The following IQUB variants were observed in gnomAD, a reference collection of about 807,000 sequenced individuals.
IQUB encodes the protein IQ motif and ubiquitin domain containing.
Under a neutral mutation model 86.4 loss-of-function variants are expected in IQUB, and 86 were observed. The ratio of observed to expected loss-of-function variants is 1.00; its 90% CI spans 0.84 to 1.19. The LOEUF (loss-of-function observed/expected upper bound fraction) is 1.19, where lower values mean the gene tolerates loss of function less well. Ranked by LOEUF, IQUB falls within the 50% of genes most tolerant of loss-of-function variation. The pLI, the probability that IQUB is intolerant of heterozygous loss-of-function variation, is 0.00. For missense variants in IQUB, 946 were observed against 916.9 expected (o/e 1.03, Z -0.41); for synonymous variants, 289 against 304.5 (o/e 0.95, Z 0.53).
At chr7:123,524,951 G>C (rs1353316517) in intron 1 of IQUB, among the ~76,000 whole-genome samples, 1 of 151,860 alleles carries the variant, frequency 6.6e-6, no homozygotes, top group Admixed American at 6.6e-5. Context: ...TGCATCTATT[G>C]AGATAATCAT....
intron 1 of IQUB, among the ~76,000 whole-genome samples, chr7:123,525,012 T>C (rs1562877889): frequency 6.6e-6 from 1 of 152,242 alleles, no homozygotes; most frequent in Non-Finnish European, 1.5e-5. Context: ...TTTATTGATT[T>C]GCGTATATTG....
intron 10 of IQUB, among the ~76,000 whole-genome samples, chr7:123,462,355 A>T (rs1308766039): frequency 6.6e-6 from 1 of 151,708 alleles, no homozygotes. Context: ...TGTTCTATAA[A>T]TTTTTTCTCT....
At chr7:123,490,703 G>A (rs1037557429) in intron 7 of IQUB, among the ~76,000 whole-genome samples, 14 of 152,116 alleles carry the variant, frequency 9.2e-5, no homozygotes, top group Admixed American at 6.6e-5. Flanking sequence ...ATTGGCTCAC[G>A]CCTGTAATCT....
chr7:123,524,625 AT>A (rs1254991608), intron 1 of IQUB, among the ~76,000 whole-genome samples: 1 of 151,106 alleles, frequency 6.6e-6, no homozygotes, highest in Admixed American at 6.6e-5. Context: ...TTTTCTAGAT[AT>A]ACAATCATGT....
rs142510309 is a variant in IQUB at position 123,511,975 on chromosome 7, C to A, written c.366G>T (p.Leu122Phe). Residue 122 changes from leucine to phenylalanine, a missense_variant, in exon 2 of 13, where the codon TTG (leucine) becomes TTT (phenylalanine). Transcript: ENST00000324698. Reference sequence around the variant, plus strand: ...CTAGAGAATCTTCCACTGATTCTTGCAAAGATTCCTTTACAGACTTTATTT... The same window carrying A: ...CTAGAGAATCTTCCACTGATTCTTGAAAAGATTCCTTTACAGACTTTATTT... ...LDKIKSVKES[L>F]QESVEDSLAT... 5.0e-5 allele frequency: 81 copies of A among 1,608,940 alleles called. No individual in the cohort carries two copies. Among genetic ancestry groups the A allele is most frequent in the Non-Finnish European group, 6.8e-5 (80 of 1,176,280 alleles).
chr7:123,519,805 C>T (rs1014543782), intron 1 of IQUB, among the ~76,000 whole-genome samples: 17 of 151,954 alleles, frequency 1.1e-4, no homozygotes, highest in Admixed American at 1.1e-3. Flanking sequence ...TGGAATATTC[C>T]CAGAACAAAG....
intron 3 of IQUB, among the ~76,000 whole-genome samples, chr7:123,508,033 T>A (rs1796262214): frequency 1.3e-5 from 2 of 152,174 alleles, no homozygotes; most frequent in South Asian, 4.1e-4. Flanking sequence ...TGGAAAGATT[T>A]TCCTGGATTA....
At chr7:123,520,486 G>A (rs1796852401) in intron 1 of IQUB, among the ~76,000 whole-genome samples, 1 of 152,184 alleles carries the variant, frequency 6.6e-6, no homozygotes, top group Non-Finnish European at 1.5e-5. Context: ...TGTGGGGAAG[G>A]AATGCCTCTC....
At chr7:123,491,898 T>C (rs533062914) in intron 7 of IQUB, among the ~76,000 whole-genome samples, 12 of 152,276 alleles carry the variant, frequency 7.9e-5, no homozygotes, top group Admixed American at 3.3e-4. Context: ...GGAATGTAGA[T>C]GCAAAAATTC....
chr7:123,469,516 T>G (rs1794432399), intron 8 of IQUB, 132 bp from the exon 9 acceptor site: 1 of 466,932 alleles, frequency 2.1e-6, no homozygotes, highest in African/African-American at 2.0e-5. Context: ...CTTATGAAAA[T>G]TAATTTAAGA....
Position 123,496,609 on chromosome 7 carries a change from A to C in IQUB, c.1234+87T>G, listed in dbSNP as rs1393833442. On this transcript the variant is annotated intron_variant, in intron 7 of 12. Coordinates refer to ENST00000324698, the MANE Select transcript of IQUB (RefSeq NM_178827.5). ...TCCAAGACATCTCCCTAAAATAATA[A>C]CACCTTCCTTTTGTCTGCAGTAAAT... 5 of 786,480 alleles carry C rather than the reference A, an allele frequency of 6.4e-6. No individual in the cohort carries two copies. The Admixed American group carries it at 1.3e-4, about 21-fold the overall frequency. The allele number at this position is 786,480 out of a possible 1,614,324, so 48.7% of individuals were successfully genotyped here. A position where few individuals can be genotyped will look rare whatever the true frequency, so the allele number is the denominator to read the frequency against.
intron 7 of IQUB, among the ~76,000 whole-genome samples, chr7:123,489,542 A>T (rs1335844016): frequency 1.3e-5 from 2 of 151,900 alleles, no homozygotes; most frequent in Non-Finnish European, 2.9e-5. Context: ...AAATATTAAA[A>T]ATATAATAAA....
Position 123,470,679 on chromosome 7 carries a change from G to A in IQUB, c.1411-1295C>T, listed in dbSNP as rs58669364. 8.9e-3 allele frequency among the ~76,000 whole-genome samples: 1,347 copies of A among 152,016 alleles called. 21 individuals are homozygous for A. The highest frequency in any genetic ancestry group is 0.03 in the African/African-American group (1,259 of 41,470). ...ATCCTGGCTAACACGGTGAAACCCCGTCTCTACTAAAACTACAAAAAATTA... is the reference window on the plus strand; with the variant it reads ...ATCCTGGCTAACACGGTGAAACCCCATCTCTACTAAAACTACAAAAAATTA... On this transcript the variant is annotated intron_variant, in intron 8 of 12. Coordinates refer to ENST00000324698, the MANE Select transcript of IQUB (RefSeq NM_178827.5).
At chr7:123,460,146 G>A (rs374643411) in intron 11 of IQUB, among the ~76,000 whole-genome samples, 15 of 151,876 alleles carry the variant, frequency 9.9e-5, no homozygotes, top group African/African-American at 2.2e-4. Context: ...ACTTAGTAGC[G>A]TAAACTTGGA....
At chr7:123,478,050 G>A (rs1047659387) in intron 8 of IQUB, among the ~76,000 whole-genome samples, 4 of 152,124 alleles carry the variant, frequency 2.6e-5, no homozygotes, top group Non-Finnish European at 5.9e-5. Flanking sequence ...CAAGGATCTA[G>A]AACTAGAAGT....
At chr7:123,457,872 A>G (rs909271236) in intron 11 of IQUB, 1 of 221,572 alleles carries the variant, frequency 4.5e-6, no homozygotes, top group Non-Finnish European at 8.8e-6. Flanking sequence ...AACATATGGT[A>G]TTGAATGATC....
chr7:123,529,491 T>C (rs2117388798), intron 1 of IQUB, among the ~76,000 whole-genome samples: 1 of 151,210 alleles, frequency 6.6e-6, no homozygotes, highest in South Asian at 2.1e-4. Flanking sequence ...TTTTTTTGTT[T>C]TAATAGGATA....
chr7:123,532,960 G>C (rs1174670423), intron 1 of IQUB: 1 of 152,370 alleles, frequency 6.6e-6, no homozygotes, highest in Non-Finnish European at 1.5e-5. Context: ...GAGCTCCGGC[G>C]GGTCAGGAGG....
Position 123,461,506 on chromosome 7 carries a change from G to C in IQUB, c.1858C>G (p.Arg620Gly), listed in dbSNP as rs141036933. The change falls in exon 11 of 13, where the codon CGC becomes GGC. Residue 620 changes from arginine to glycine, a missense_variant. Physicochemically the swap from Arg to Gly is moderately radical, Grantham distance 125. Coordinates refer to ENST00000324698, the MANE Select transcript of IQUB (RefSeq NM_178827.5). ...CAGTTACGACACCGGTATATGCGGC[G>C]TGAGGTGGATGATACAGAAAATTCT... ...STEFSVSSTS[R>G]RIYRCRNCIN... 1 of 1,612,156 alleles carries C rather than the reference G, an allele frequency of 6.2e-7. No individual in the cohort carries two copies. The highest frequency in any genetic ancestry group is 1.1e-5 in the South Asian group (1 of 91,026).
Sources: gnomAD v4.1 joint callset for allele counts (sites outside exome capture counted in the v4.1 genomes callset) on GRCh38, gnomAD v4.1.1 for gene constraint, MANE v1.5 for transcripts, NCBI Gene and HGNC (gene_info 2026-07-23, HGNC 2026-07-21) for gene names.